The following DAW1 variants were observed in gnomAD, a reference collection of about 807,000 sequenced individuals.
DAW1 encodes the protein dynein assembly factor with WD repeat domains 1.
DAW1 carries 47 observed loss-of-function variants against 56.5 expected under a neutral mutation model. The ratio of observed to expected loss-of-function variants is 0.83; its 90% CI spans 0.66 to 1.06. The LOEUF is 1.06. DAW1 is among the 50% of genes least tolerant of loss of function. The pLI is 0.00. For missense variants in DAW1, 505 were observed against 499.3 expected (o/e 1.01, Z -0.11); for synonymous variants, 190 against 179.0 (o/e 1.06, Z -0.49).
Position 227,901,504 on chromosome 2 carries a change from A to C in DAW1, c.541-1498A>C, listed in dbSNP as rs563230753. Among the ~76,000 whole-genome samples, 5 of 152,310 alleles carry C rather than the reference A, an allele frequency of 3.3e-5. No individual in the cohort carries two copies. The South Asian group carries it at 1.0e-3, about 32-fold the overall frequency. On this transcript the variant is annotated intron_variant, in intron 6 of 12. Coordinates refer to ENST00000309931, the MANE Select transcript of DAW1 (RefSeq NM_178821.3). ...AACCAATGAGCAATTGAAATTGCCCAGAGGAAAATATAGAGTATGGAGAGG... is the reference window on the plus strand; with the variant it reads ...AACCAATGAGCAATTGAAATTGCCCCGAGGAAAATATAGAGTATGGAGAGG...
intron 10 of DAW1, among the ~76,000 whole-genome samples, chr2:227,910,804 T>C (rs1027555243): frequency 2.0e-5 from 3 of 152,172 alleles, no homozygotes; most frequent in African/African-American, 7.2e-5. Flanking sequence ...CCCTGACTAC[T>C]ATTTATGATG....
At chr2:227,894,848 G>A (rs950995348) in intron 5 of DAW1, among the ~76,000 whole-genome samples, 4 of 152,204 alleles carry the variant, frequency 2.6e-5, no homozygotes, top group African/African-American at 9.6e-5. Context: ...TGCTGGTTAG[G>A]TTCTAAGCTG....
chr2:227,883,931 G>T (rs1297537157), intron 1 of DAW1, among the ~76,000 whole-genome samples: 1 of 152,082 alleles, frequency 6.6e-6, no homozygotes, highest in Admixed American at 6.6e-5. Context: ...AAAACTCTTT[G>T]GTGTCCTAAA....
intron 11 of DAW1, among the ~76,000 whole-genome samples, chr2:227,920,258 G>A (rs1471443499): frequency 6.6e-6 from 1 of 152,170 alleles, no homozygotes; most frequent in Non-Finnish European, 1.5e-5. Flanking sequence ...GCATTTCTAT[G>A]GGGTGCAAAG....
chr2:227,911,770 A>G (rs1391363407), intron 10 of DAW1, among the ~76,000 whole-genome samples: 1 of 152,128 alleles, frequency 6.6e-6, no homozygotes, highest in Non-Finnish European at 1.5e-5. Flanking sequence ...TACTTTCTGT[A>G]TCATCTTTCT....
chr2:227,917,284 G>A (rs1180123527), intron 10 of DAW1, among the ~76,000 whole-genome samples: 6 of 148,498 alleles, frequency 4.0e-5, no homozygotes, highest in African/African-American at 1.5e-4. Context: ...TTTTTTAGAT[G>A]GAGTCTTGCT....
chr2:227,897,093 GAA>G (rs200209188), intron 5 of DAW1, among the ~76,000 whole-genome samples: 1,221 of 92,320 alleles, frequency 0.013, 20 homozygotes, highest in African/African-American at 0.038. Context: ...CTCAAAAAAA[GAA>G]AAAAAAAAAA....
In DAW1 at chr2:227,919,531, C is replaced by G. The variant is rs1374782499; in HGVS notation, c.1050+675C>G. Among the ~76,000 whole-genome samples the G allele has an allele frequency of 4.6e-5, 7 of 152,126 alleles. No individual in the cohort carries two copies. In the East Asian group the frequency reaches 1.4e-3, roughly 29 times the overall value. On this transcript the variant is annotated intron_variant, in intron 11 of 12. Coordinates refer to ENST00000309931, the MANE Select transcript of DAW1 (RefSeq NM_178821.3). The stretch of plus-strand genomic sequence containing the variant: ...GTTGTGCGAAAAATATGCTGGGCAG[C>G]AAGTATCAAGTGTTCTGTAAGTTAG...
intron 5 of DAW1, 146 bp from the exon 6 acceptor site, chr2:227,898,036 T>C: frequency 2.7e-6 from 1 of 364,190 alleles, no homozygotes; most frequent in Non-Finnish European, 4.9e-6. Flanking sequence ...GACTTTTATT[T>C]TATTATCCAC....
At chr2:227,921,946 G>T (rs1263840685) in intron 12 of DAW1, among the ~76,000 whole-genome samples, 1 of 152,148 alleles carries the variant, frequency 6.6e-6, no homozygotes, top group Non-Finnish European at 1.5e-5. Context: ...CAGAAAAAAT[G>T]CTTGAGGCCA....
At chr2:227,910,463 C>T (rs1439679554) in intron 10 of DAW1, among the ~76,000 whole-genome samples, 2 of 147,568 alleles carry the variant, frequency 1.4e-5, no homozygotes, top group Admixed American at 6.9e-5. Flanking sequence ...CAGAGTGAGA[C>T]CCCATCTTCT....
In DAW1 at chr2:227,904,972, G is replaced by C; in HGVS notation, c.692G>C (p.Gly231Ala). Residue 231 changes from glycine to alanine, a missense_variant, in exon 8 of 13, where the codon GGA (glycine) becomes GCA (alanine). Physicochemically the swap from Gly to Ala is moderately conservative, Grantham distance 60 (BLOSUM62 0). Coordinates refer to ENST00000309931, the MANE Select transcript of DAW1 (RefSeq NM_178821.3). ...ATCTCCTTGTCATTTAACACCTCAG[G>C]AGACAGAATCATCACGGGGTCTTTT... ...EIISLSFNTS[G>A]DRIITGSFDH... The C allele has an allele frequency of 6.2e-7, 1 of 1,613,840 alleles. No individual in the cohort carries two copies. The highest frequency in any genetic ancestry group is 8.5e-7 in the Non-Finnish European group (1 of 1,179,798).
At chr2:227,880,163 C>A (rs919557740) in intron 1 of DAW1, among the ~76,000 whole-genome samples, 1 of 152,090 alleles carries the variant, frequency 6.6e-6, no homozygotes, top group African/African-American at 2.4e-5. Context: ...CAGTAATTTT[C>A]TTTGCAATTA....
At chr2:227,879,698 T>A (rs1358447785) in intron 1 of DAW1, among the ~76,000 whole-genome samples, 2 of 151,998 alleles carry the variant, frequency 1.3e-5, no homozygotes, top group Non-Finnish European at 2.9e-5. Flanking sequence ...TGGAATATTT[T>A]TGTACATTGT....
In DAW1 at chr2:227,921,475, C is replaced by G. The variant is rs1459823929; in HGVS notation, c.1127C>G (p.Thr376Ser). 6.2e-7 allele frequency: 1 copy of G among 1,614,044 alleles called. No individual in the cohort carries two copies. The highest frequency in any genetic ancestry group is 8.5e-7 in the Non-Finnish European group (1 of 1,180,010). ...DKTARIWDAQ[T>S]GQCLQVLEGH... ...ACGGCTAGAATCTGGGATGCTCAGA[C>G]TGGCCAGTGCCTCCAGGTTCTTGAG... The change falls in exon 12 of 13, where the codon ACT (threonine) becomes AGT (serine). Residue 376 changes from threonine (T) to serine (S), a missense_variant. By Grantham distance (58) the Thr-to-Ser change is moderately conservative (BLOSUM62 1). Coordinates refer to ENST00000309931, the MANE Select transcript of DAW1 (RefSeq NM_178821.3).
intron 2 of DAW1, chr2:227,889,654 T>G: frequency 2.5e-6 from 1 of 399,654 alleles, no homozygotes; most frequent in Non-Finnish European, 4.5e-6. Flanking sequence ...AATCCAAGCT[T>G]CTTGCTTTCC....
At chr2:227,909,449 TAC>T (rs113015919) in intron 10 of DAW1, among the ~76,000 whole-genome samples, 20 of 149,620 alleles carry the variant, frequency 1.3e-4, no homozygotes, top group South Asian at 2.1e-4. Flanking sequence ...AGTATATAAA[TAC>T]ACACACACAT....
At chr2:227,874,418 C>T (rs188541936) in intron 1 of DAW1, among the ~76,000 whole-genome samples, 225 of 152,246 alleles carry the variant, frequency 1.5e-3, no homozygotes, top group Middle Eastern at 3.4e-3. Context: ...TGTTTTCACG[C>T]GGATTGCCCC....
At chr2:227,906,098 C>T in intron 8 of DAW1, 138 bp from the exon 9 acceptor site, 1 of 561,576 alleles carries the variant, frequency 1.8e-6, no homozygotes, top group Non-Finnish European at 3.0e-6. Flanking sequence ...ATAGTAGAGC[C>T]ATATTTGTCA....
Sources: gnomAD v4.1 joint callset for allele counts (sites outside exome capture counted in the v4.1 genomes callset) on GRCh38, gnomAD v4.1.1 for gene constraint, MANE v1.5 for transcripts, NCBI Gene and HGNC (gene_info 2026-07-23, HGNC 2026-07-21) for gene names.